CACNA1C: variants seen among roughly 807,000 people sequenced by gnomAD.
CACNA1C encodes calcium voltage-gated channel subunit alpha1 C, also known as voltage-dependent L-type calcium channel subunit alpha-1C.
Under a neutral mutation model 229.0 loss-of-function variants are expected in CACNA1C, and 30 were observed. The observed-to-expected ratio is 0.13, with a 90% CI of 0.10 to 0.18. The LOEUF (loss-of-function observed/expected upper bound fraction) is 0.18. CACNA1C is among the 10% of genes least tolerant of loss of function. The pLI, the probability that CACNA1C is intolerant of heterozygous loss-of-function variation, is 1.00. For missense variants in CACNA1C, 1,658 were observed against 2,845.0 expected (o/e 0.58, Z 9.49); for synonymous variants, 1,114 against 1,132.5 (o/e 0.98, Z 0.33).
intron 3 of CACNA1C, among the ~76,000 whole-genome samples, chr12:2,361,846 G>A (rs1333216982): frequency 6.6e-6 from 1 of 152,254 alleles, no homozygotes; most frequent in Non-Finnish European, 1.5e-5. Flanking sequence ...AAATGCCACT[G>A]CTGAGTTGCT....
At chr12:2,139,593 C>T (rs1362886533) in intron 3 of CACNA1C, among the ~76,000 whole-genome samples, 3 of 151,042 alleles carry the variant, frequency 2.0e-5, no homozygotes, top group South Asian at 2.1e-4. Context: ...CTGACTGGGC[C>T]GCTGCCCTTG....
intron 3 of CACNA1C, among the ~76,000 whole-genome samples, chr12:2,180,297 G>C (rs924029540): frequency 6.6e-6 from 1 of 152,244 alleles, no homozygotes; most frequent in African/African-American, 2.4e-5. Context: ...AAGGGGTGGT[G>C]GGGAAAGCAT....
chr12:2,253,045 T>G (rs2076179617), intron 3 of CACNA1C, among the ~76,000 whole-genome samples: 1 of 152,244 alleles, frequency 6.6e-6, no homozygotes, highest in Non-Finnish European at 1.5e-5. Context: ...ATCCCACTTT[T>G]CCCTGTCTCT....
chr12:2,576,146 G>A (rs1350676938), intron 13 of CACNA1C, among the ~76,000 whole-genome samples: 1 of 152,220 alleles, frequency 6.6e-6, no homozygotes, highest in Admixed American at 6.5e-5. Flanking sequence ...AACTTGATGT[G>A]ATGAAAAGCC....
intron 3 of CACNA1C, among the ~76,000 whole-genome samples, chr12:2,445,869 C>G (rs1403160253): frequency 1.3e-5 from 2 of 152,176 alleles, no homozygotes; most frequent in African/African-American, 4.8e-5. Context: ...TATTGCTGCT[C>G]TCTCTGCCAG....
In CACNA1C at chr12:2,061,975, A is replaced by G. The variant is rs1303644017; in HGVS notation, c.49+8364A>G. Among the ~76,000 whole-genome samples the G allele has an allele frequency of 6.6e-5, 10 of 152,368 alleles. No homozygotes were observed. In the East Asian group the frequency reaches 1.9e-3, roughly 29 times the overall value. ...TAAGACACTGATCAAAATAGGAAAGAGCTTTAACATTATAGTCTAAGTGAC... is the reference window on the plus strand; with the variant it reads ...TAAGACACTGATCAAAATAGGAAAGGGCTTTAACATTATAGTCTAAGTGAC... On this transcript the variant is annotated intron_variant, in intron 1 of 46. Coordinates refer to ENST00000399655, the MANE Select transcript of CACNA1C (RefSeq NM_000719.7).
intron 3 of CACNA1C, among the ~76,000 whole-genome samples, chr12:2,426,899 G>C (rs1230051510): frequency 6.6e-6 from 1 of 152,200 alleles, no homozygotes; most frequent in Non-Finnish European, 1.5e-5. Context: ...AAGCTGCAAG[G>C]CTTCACGTGG....
chr12:2,322,928 C>A (rs2096082205), intron 3 of CACNA1C, among the ~76,000 whole-genome samples: 1 of 152,228 alleles, frequency 6.6e-6, no homozygotes, highest in African/African-American at 2.4e-5. Flanking sequence ...CTCCGCCTGC[C>A]TGCTGCACCA....
intron 1 of CACNA1C, among the ~76,000 whole-genome samples, chr12:1,977,077 TAC>T (rs1038594475): frequency 1.3e-5 from 2 of 152,216 alleles, no homozygotes; most frequent in African/African-American, 4.8e-5. Flanking sequence ...GTAATAAATT[TAC>T]ACAGAGTTCA....
chr12:2,690,891 C>A lies in CACNA1C; in HGVS notation c.6118-9C>A, dbSNP rs1205417714. On this transcript the variant is annotated splice_polypyrimidine_tract_variant and intron_variant, in intron 46 of 46. Transcript: ENST00000399655. ...TTGGTTCTTCATGGCTCCCACCCCG[C>A]TCCTTCAGGTCTTGATTTCAGAAGG... 2.6e-6 allele frequency: 4 copies of A among 1,551,918 alleles called. No homozygotes were observed. Among genetic ancestry groups the A allele is most frequent in the Non-Finnish European group, 2.6e-6 (3 of 1,143,820 alleles).
chr12:2,320,724 C>G (rs1472344890), intron 3 of CACNA1C, among the ~76,000 whole-genome samples: 8 of 152,236 alleles, frequency 5.3e-5, no homozygotes, highest in African/African-American at 1.7e-4. Flanking sequence ...TGTGACCCAT[C>G]CCAAAACACG....
chr12:1,992,652 T>C (rs1282821826), intron 1 of CACNA1C: 4 of 159,096 alleles, frequency 2.5e-5, no homozygotes, highest in African/African-American at 9.6e-5. Flanking sequence ...GATACGAGAG[T>C]AAAATGTAGT....
chr12:2,680,064 G>GT (rs1221931696), intron 42 of CACNA1C, among the ~76,000 whole-genome samples: 2 of 152,212 alleles, frequency 1.3e-5, no homozygotes, highest in African/African-American at 2.4e-5. Flanking sequence ...CACTTCCTGA[G>GT]TGGCAGAATG....
In CACNA1C at chr12:2,601,850, G is replaced by A. The variant is rs113929946; in HGVS notation, c.2854-4G>A. 9.3e-5 allele frequency: 150 copies of A among 1,605,958 alleles called. No individual in the cohort carries two copies. Among genetic ancestry groups the A allele is most frequent in the Non-Finnish European group, 1.2e-4 (140 of 1,172,770 alleles). On this transcript the variant is annotated splice_region_variant and splice_polypyrimidine_tract_variant and intron_variant, in intron 21 of 46. Transcript: ENST00000399655. The surrounding 1 kb of genome is among the most constrained non-coding windows in gnomAD (Gnocchi z 5.9). ...CACTGGTGTTCCTTTGTCCCTCCCT[G>A]CAGATGACTGCTTATGGGGCTTTCT... is the stretch of plus-strand genomic sequence containing the variant.
Position 2,691,031 on chromosome 12 carries a change from C to T in CACNA1C, c.6249C>T (p.Ser2083=), listed in dbSNP as rs1312632905. ...EMESAADNIL[S]GGAPQSPNGA... ...AGAGCGCGGCCGACAACATCCTCAG[C>T]GGGGGCGCCCCACAGAGCCCCAATG... Residue 2083 remains serine (S), a synonymous_variant, in exon 47 of 47, where the codon AGC becomes AGT. Transcript: ENST00000399655. The T allele has an allele frequency of 6.2e-6, 10 of 1,602,596 alleles. No homozygotes were observed. The highest frequency in any genetic ancestry group is 1.3e-5 in the African/African-American group (1 of 74,660).
intron 4 of CACNA1C, among the ~76,000 whole-genome samples, chr12:2,453,295 C>T (rs2099395503): frequency 6.6e-6 from 1 of 152,180 alleles, no homozygotes; most frequent in Admixed American, 6.5e-5. Flanking sequence ...CCCCCAGCTG[C>T]AGCTTCCCAT....
At position 2,016,243 on chromosome 12, in the gene CACNA1C, A is replaced by G. The variant is rs113575724; in HGVS notation, c.139+45042A>G. Reference sequence around the variant, plus strand: ...CTGAGTGTCTTATTAGGTGCCAAGTACTTATCAGGTCCCGAGTACTGTCAA... The same window carrying G: ...CTGAGTGTCTTATTAGGTGCCAAGTGCTTATCAGGTCCCGAGTACTGTCAA... On this transcript the variant is annotated intron_variant, in intron 1 of 46. Coordinates refer to the CACNA1C transcript ENST00000682462. Among the ~76,000 whole-genome samples, 5 of 152,280 alleles carry G rather than the reference A, an allele frequency of 3.3e-5. 1 individual carries two copies. Among genetic ancestry groups the G allele is most frequent in the African/African-American group, 1.2e-4 (5 of 41,552 alleles).
At chr12:2,130,148 G>A (rs1459190008) in intron 3 of CACNA1C, among the ~76,000 whole-genome samples, 6 of 146,646 alleles carry the variant, frequency 4.1e-5, no homozygotes, top group African/African-American at 1.5e-4. Context: ...TCTATGGTCC[G>A]TGTGTTAACT....
chr12:2,657,997 A>AACACAC (rs111747868), intron 34 of CACNA1C, among the ~76,000 whole-genome samples: 1,571 of 151,340 alleles, frequency 0.01, 25 homozygotes, highest in African/African-American at 0.036. Flanking sequence ...GTATAAGGAG[A>AACACAC]ACACACACAC....
Sources: gnomAD v4.1 joint callset for allele counts (sites outside exome capture counted in the v4.1 genomes callset) on GRCh38, gnomAD v4.1.1 for gene constraint, Gnocchi (gnomAD v3.1) non-coding constraint, MANE v1.5 for transcripts, NCBI Gene and HGNC (gene_info 2026-07-23, HGNC 2026-07-21) for gene names.